C12orf42: variants seen among roughly 807,000 people sequenced by gnomAD.
The protein encoded by C12orf42 is uncharacterized protein C12orf42.
C12orf42 carries 25 observed loss-of-function variants against 21.6 expected under a neutral mutation model. The ratio of observed to expected loss-of-function variants is 1.16; its 90% CI spans 0.84 to 1.62. C12orf42 has a LOEUF of 1.62. Among genes scored for constraint, C12orf42 ranks in the 40% most tolerant of loss-of-function variants. C12orf42 has a pLI of 0.00. For synonymous variants in C12orf42, 174 were observed against 175.0 expected, an observed-to-expected ratio of 0.99 and a Z score of 0.05; for missense variants, 483 against 459.3, an observed-to-expected ratio of 1.05 and a Z score of -0.47.
chr12:103,433,804 G>A (rs573591151), intron 2 of C12orf42, among the ~76,000 whole-genome samples: 41 of 152,272 alleles, frequency 2.7e-4, no homozygotes, highest in Non-Finnish European at 5.0e-4. Context: ...CTTGGAAACA[G>A]AAATATGAAC....
At chr12:103,049,204 A>G in the C12orf42 span, among the ~76,000 whole-genome samples, 3 of 152,216 alleles carry the variant, frequency 2.0e-5, no homozygotes, top group Non-Finnish European at 4.4e-5. Context: ...TGTCCACAAC[A>G]AAAATCGTGT....
intron 2 of C12orf42, among the ~76,000 whole-genome samples, chr12:103,477,439 G>C (rs1005819968): frequency 1.3e-5 from 2 of 152,080 alleles, no homozygotes; most frequent in African/African-American, 4.8e-5. Context: ...CACATTCCTG[G>C]CCAGATGTTC....
chr12:103,465,045 A>G (rs1388806347), intron 2 of C12orf42, among the ~76,000 whole-genome samples: 1 of 151,686 alleles, frequency 6.6e-6, no homozygotes, highest in African/African-American at 2.4e-5. Flanking sequence ...TGTTCTTTTT[A>G]CTTTACTCTT....
At chr12:103,181,097 A>C in the C12orf42 span, among the ~76,000 whole-genome samples, 93 of 151,998 alleles carry the variant, frequency 6.1e-4, no homozygotes, top group Non-Finnish European at 1.1e-3. Flanking sequence ...CCCCGTCTCT[A>C]CTAAAAATAC....
chr12:103,215,786 G>A, the C12orf42 span, among the ~76,000 whole-genome samples: 1 of 152,336 alleles, frequency 6.6e-6, no homozygotes. Flanking sequence ...GAAAATGCCT[G>A]AGCCTTGGAA....
chr12:103,444,875 C>T (rs1316476518), intron 2 of C12orf42, among the ~76,000 whole-genome samples: 2 of 151,766 alleles, frequency 1.3e-5, no homozygotes, highest in Non-Finnish European at 2.9e-5. Context: ...TCTATTTTAC[C>T]TTAAATTAAT....
At chr12:103,106,864 A>G in the C12orf42 span, among the ~76,000 whole-genome samples, 1 of 152,030 alleles carries the variant, frequency 6.6e-6, no homozygotes, top group Non-Finnish European at 1.5e-5. Context: ...GAATAAAAAT[A>G]TAAAATCTTG....
At chr12:103,295,760 A>T (rs2037227625) in intron 4 of C12orf42, among the ~76,000 whole-genome samples, 2 of 152,184 alleles carry the variant, frequency 1.3e-5, no homozygotes, top group Admixed American at 1.3e-4. Context: ...AATGATTTGA[A>T]TTTGGATACC....
At chr12:103,138,413 G>A in the C12orf42 span, among the ~76,000 whole-genome samples, 2 of 152,038 alleles carry the variant, frequency 1.3e-5, no homozygotes, top group Non-Finnish European at 2.9e-5. Context: ...TTGCTCGCTC[G>A]CTCTCTCCTG....
At chr12:103,353,563 C>G (rs577587006) in intron 4 of C12orf42, among the ~76,000 whole-genome samples, 5 of 152,196 alleles carry the variant, frequency 3.3e-5, no homozygotes, top group African/African-American at 1.2e-4. Flanking sequence ...AGCAGAGGCA[C>G]TTTGACAATT....
chr12:103,438,990 C>T (rs1484357108), intron 2 of C12orf42, among the ~76,000 whole-genome samples: 2 of 152,182 alleles, frequency 1.3e-5, no homozygotes, highest in Non-Finnish European at 2.9e-5. Flanking sequence ...AGGCATCACA[C>T]TACCTGACTT....
intron 1 of C12orf42, among the ~76,000 whole-genome samples, chr12:103,490,289 C>T (rs1955109905): frequency 6.6e-6 from 1 of 152,112 alleles, no homozygotes; most frequent in African/African-American, 2.4e-5. Flanking sequence ...ACCTTTATGC[C>T]AGCTCATAAA....
In C12orf42 at chr12:103,315,985, T is replaced by TAC. The variant is rs1365257943; in HGVS notation, c.260-9641_260-9640insGT. Among the ~76,000 whole-genome samples the TAC allele has an allele frequency of 7.3e-5, 11 of 150,140 alleles. No homozygotes were observed. In the East Asian group the frequency reaches 1.6e-3, roughly 22 times the overall value. On this transcript the variant is annotated intron_variant, in intron 4 of 5. Transcript: ENST00000548883. ...ACTTCACACTATAGATATATATATA[T>TAC]ATACACACACACAGACAAAATGCTT...
At chr12:103,549,995 T>A in the C12orf42 span, among the ~76,000 whole-genome samples, 1,071 of 152,300 alleles carry the variant, frequency 7.0e-3, 10 homozygotes, top group Non-Finnish European at 9.6e-3. Flanking sequence ...TAAAGTTCCC[T>A]GTCAGAAATT....
the C12orf42 span, among the ~76,000 whole-genome samples, chr12:103,138,309 G>C: frequency 1.3e-5 from 2 of 152,174 alleles, no homozygotes; most frequent in Non-Finnish European, 2.9e-5. Flanking sequence ...AAGGTGGTTG[G>C]ATCATGAGGG....
At chr12:103,353,138 AC>A (rs2043239588) in intron 4 of C12orf42, among the ~76,000 whole-genome samples, 1 of 152,136 alleles carries the variant, frequency 6.6e-6, no homozygotes, top group Non-Finnish European at 1.5e-5. Context: ...TCCAAAAGAC[AC>A]CTTGAGTTTT....
the C12orf42 span, among the ~76,000 whole-genome samples, chr12:103,563,176 A>T: frequency 1.3e-5 from 2 of 152,340 alleles, no homozygotes; most frequent in South Asian, 2.1e-4. Flanking sequence ...ACTTCTGTCC[A>T]GCAAAGCAGT....
chr12:103,361,651 G>A (rs1043578039), intron 4 of C12orf42, among the ~76,000 whole-genome samples: 1 of 152,058 alleles, frequency 6.6e-6, no homozygotes, highest in African/African-American at 2.4e-5. Flanking sequence ...CCACTGCCTA[G>A]AAACAAACTT....
chr12:103,186,503 A>T, the C12orf42 span, among the ~76,000 whole-genome samples: 1 of 152,224 alleles, frequency 6.6e-6, no homozygotes, highest in African/African-American at 2.4e-5. Flanking sequence ...AGCCTAAGAA[A>T]TGGTACACTG....
Sources: allele counts gnomAD v4.1 joint callset (sites outside exome capture counted in the v4.1 genomes callset), GRCh38; gene constraint gnomAD v4.1.1; transcripts MANE v1.5; gene names NCBI Gene and HGNC (gene_info 2026-07-23, HGNC 2026-07-21).